Variants in P2RX4 observed in about 807,000 individuals in gnomAD.
P2RX4 encodes purinergic receptor P2X 4.
A neutral mutation model predicts 48.0 loss-of-function variants in P2RX4; 37 were observed. The observed-to-expected ratio is 0.77, with a 90% CI of 0.59 to 1.01. The LOEUF is 1.01. P2RX4 is among the 50% of genes least tolerant of loss of function. The pLI, the probability that P2RX4 is intolerant of heterozygous loss-of-function variation, is 0.00. For synonymous variants in P2RX4, 200 were observed against 199.7 expected, an observed-to-expected ratio of 1.00 and a Z score of -0.01; for missense variants, 501 against 521.4, an observed-to-expected ratio of 0.96 and a Z score of 0.38.
chr12:121,214,513 G>A lies in P2RX4; in HGVS notation c.135-2621G>A, dbSNP rs375956127. 7 of 152,256 alleles carry A rather than the reference G, an allele frequency of 4.6e-5. No individual in the cohort carries two copies. The South Asian group carries it at 6.2e-4, about 14-fold the overall frequency. 9.4% of individuals were successfully genotyped at this position (152,256 alleles called of 1,614,324 possible). On this transcript the variant is annotated intron_variant, in intron 1 of 11. Coordinates refer to ENST00000337233, the MANE Select transcript of P2RX4 (RefSeq NM_002560.3). ...TCTAACTCTGTTAACAATCATATGAGGAGGAAATAATCACATGATAATGAG... is the reference window on the plus strand; with the variant it reads ...TCTAACTCTGTTAACAATCATATGAAGAGGAAATAATCACATGATAATGAG...
In P2RX4 at chr12:121,232,842, C is replaced by T. The variant is rs950094071; in HGVS notation, c.1045-155C>T. 4.3e-5 allele frequency: 37 copies of T among 854,576 alleles called. No homozygotes were observed. The highest frequency in any genetic ancestry group is 7.2e-5 in the Non-Finnish European group (36 of 501,384). The allele number at this position is 854,576 out of a possible 1,614,324, so 52.9% of individuals were successfully genotyped here. A position where few individuals can be genotyped will look rare whatever the true frequency, so the allele number is the denominator to read the frequency against. ...TCCTCCCACCTTCCCTTCTCCAAGA[C>T]CACCCCCCTCAGGTCCCAGCCTTCT... On this transcript the variant is annotated intron_variant, in intron 10 of 11. Transcript: ENST00000337233. The surrounding 1 kb of genome is among the most constrained non-coding windows in gnomAD (Gnocchi z 4.3).
chr12:121,210,145 TG>T lies in P2RX4; in HGVS notation c.-17del. On this transcript the variant is annotated 5_prime_UTR_variant, in exon 1 of 12. Coordinates refer to ENST00000337233, the MANE Select transcript of P2RX4 (RefSeq NM_002560.3). ...CTGGGACCCAGACCGACTAGGGGAC[TG>T]GGAGCGGGCGGCGCGGCCATGGCGG... The T allele has an allele frequency of 6.6e-7, 1 of 1,517,776 alleles. No homozygotes were observed. The highest frequency in any genetic ancestry group is 1.2e-5 in the South Asian group (1 of 80,670). 94.0% of individuals were successfully genotyped at this position (1,517,776 alleles called of 1,614,324 possible).
rs757957055 is a variant in P2RX4, at chr12:121,228,629, G to T, written c.605+16G>T. 5 of 1,612,942 alleles carry T rather than the reference G, an allele frequency of 3.1e-6. No homozygotes were observed. Among genetic ancestry groups the T allele is most frequent in the Middle Eastern group, 1.7e-4 (1 of 6,060 alleles). Reference sequence around the variant, plus strand: ...ATTTCAGCAAGTAAGTGGTGGCCAGGTGTGTGAGTTCACCAGGGTCTTGGA... The same window carrying T: ...ATTTCAGCAAGTAAGTGGTGGCCAGTTGTGTGAGTTCACCAGGGTCTTGGA... On this transcript the variant is annotated intron_variant, in intron 6 of 11. Coordinates refer to ENST00000337233, the MANE Select transcript of P2RX4 (RefSeq NM_002560.3).
chr12:121,222,409 T>G lies in P2RX4; in HGVS notation c.427+243T>G, dbSNP rs562642620. Reference sequence around the variant, plus strand: ...TGTTGTTTTTTCTTGTTTTTTTTTTTGTTTTGTTTTTTTGTTTTTTTGAGC... The same window carrying G: ...TGTTGTTTTTTCTTGTTTTTTTTTTGGTTTTGTTTTTTTGTTTTTTTGAGC... On this transcript the variant is annotated intron_variant, in intron 4 of 11. Coordinates refer to ENST00000337233, the MANE Select transcript of P2RX4 (RefSeq NM_002560.3). 1.0e-4 allele frequency: 56 copies of G among 548,570 alleles called. 1 individual carries two copies. The South Asian group carries it at 1.3e-3, about 13-fold the overall frequency. The allele number at this position is 548,570 out of a possible 1,614,324, so 34.0% of individuals were successfully genotyped here.
chr12:121,212,811 TATATA>T (rs1342499707), intron 1 of P2RX4: 457 of 35,212 alleles, frequency 0.013, 5 homozygotes, highest in East Asian at 0.019. Flanking sequence ...TATATATATA[TATATA>T]TATATATATT....
chr12:121,226,797 T>A (rs1269892624), intron 5 of P2RX4, among the ~76,000 whole-genome samples: 1 of 151,972 alleles, frequency 6.6e-6, no homozygotes. Flanking sequence ...GCCATCCCTC[T>A]TGAGGGAGTG....
intron 2 of P2RX4, among the ~76,000 whole-genome samples, chr12:121,219,961 T>C (rs1307375314): frequency 6.6e-6 from 1 of 152,148 alleles, no homozygotes; most frequent in Non-Finnish European, 1.5e-5. Context: ...TTTTATTCCT[T>C]ATATGAGGAG....
chr12:121,217,319 C>T, intron 2 of P2RX4, 38 bp downstream of exon 2: 1 of 1,601,668 alleles, frequency 6.2e-7, no homozygotes, highest in Non-Finnish European at 8.6e-7. Context: ...AACACTGACA[C>T]CTTGCTCTTT....
Position 121,221,753 on chromosome 12 carries a change from G to C in P2RX4, c.283-160G>C, listed in dbSNP as rs112130094. On this transcript the variant is annotated intron_variant, in intron 2 of 11. Transcript: ENST00000337233. The stretch of plus-strand genomic sequence containing the variant: ...TCTGAATATTTATGTACAAGGACTT[G>C]TTTGAGTCACTGTTTTCCATTGGGT... Among the ~76,000 whole-genome samples, 4 of 152,338 alleles carry C rather than the reference G, an allele frequency of 2.6e-5. 1 individual carries two copies. The highest frequency in any genetic ancestry group is 9.6e-5 in the African/African-American group (4 of 41,582).
chr12:121,223,942 G>A (rs995001644), intron 5 of P2RX4, among the ~76,000 whole-genome samples: 2 of 152,106 alleles, frequency 1.3e-5, no homozygotes, highest in African/African-American at 2.4e-5. Flanking sequence ...TCTGCATCCC[G>A]CCGTGCCAGC....
rs368099159 is a variant in P2RX4, at chr12:121,210,266, C to G, written c.102C>G (p.Ala34=). ...RSRKVGLMNR[A]VQLLILAYVI... is the part of the protein sequence containing the mutation. ...GCAAAGTGGGGCTCATGAACCGCGC[C>G]GTGCAACTGCTCATCCTGGCCTACG... Residue 34 remains alanine (A), a synonymous_variant, in exon 1 of 12, where the codon GCC becomes GCG. Coordinates refer to ENST00000337233, the MANE Select transcript of P2RX4 (RefSeq NM_002560.3). 2.6e-5 allele frequency: 41 copies of G among 1,556,284 alleles called. No individual in the cohort carries two copies. The highest frequency in any genetic ancestry group is 1.2e-4 in the Admixed American group (6 of 52,036).
intron 1 of P2RX4, 166 bp from the exon 2 acceptor site, chr12:121,216,968 C>T: frequency 1.3e-6 from 1 of 747,394 alleles, no homozygotes. Flanking sequence ...CTACCATCCC[C>T]ATTTGGCAGA....
chr12:121,221,876 C>T, intron 2 of P2RX4, 37 bp from the exon 3 acceptor site: 1 of 1,595,636 alleles, frequency 6.3e-7, no homozygotes, highest in Non-Finnish European at 8.6e-7. Flanking sequence ...CGTGAGTCCT[C>T]TGAGCGTGGC....
chr12:121,225,017 C>G (rs1018633398), intron 5 of P2RX4, among the ~76,000 whole-genome samples: 5 of 151,860 alleles, frequency 3.3e-5, no homozygotes, highest in African/African-American at 1.2e-4. Flanking sequence ...TGAAATATGG[C>G]TGGGTCCGAA....
In P2RX4 at chr12:121,232,929, C is replaced by G. The variant is rs572003075; in HGVS notation, c.1045-68C>G. The G allele has an allele frequency of 9.0e-7, 1 of 1,112,166 alleles. No homozygotes were observed. The highest frequency in any genetic ancestry group is 1.4e-6 in the Non-Finnish European group (1 of 724,234). 68.9% of individuals were successfully genotyped at this position (1,112,166 alleles called of 1,614,324 possible). ...ATTCCAGGCTTCTCAGGAAGGGGCA[C>G]GCAAAGAATAAGATGGGTTGATGGG... On this transcript the variant is annotated intron_variant, in intron 10 of 11. Coordinates refer to ENST00000337233, the MANE Select transcript of P2RX4 (RefSeq NM_002560.3). This position sits in a 1 kb window ranked among gnomAD's most constrained non-coding sequence, Gnocchi z 4.3.
chr12:121,228,366 T>C (rs1593221424), intron 5 of P2RX4, among the ~76,000 whole-genome samples, 167 bp from the exon 6 acceptor site: 1 of 37,964 alleles, frequency 2.6e-5, no homozygotes, highest in Non-Finnish European at 4.9e-5. Context: ...TGACTCCATC[T>C]CAAAAAAAAA....
intron 1 of P2RX4, 141 bp downstream of exon 1, chr12:121,210,439 G>T: frequency 1.3e-6 from 1 of 792,754 alleles, no homozygotes; most frequent in Non-Finnish European, 1.7e-6. Context: ...GGCCCCAGCC[G>T]CCGCGCCGGG....
rs1204759120 is a variant in P2RX4 at position 121,221,970 on chromosome 12, G to C, written c.340G>C (p.Gly114Arg). The change falls in exon 3 of 12, where the codon GGC becomes CGC. Residue 114 changes from glycine to arginine, a missense_variant. This residue lies in a region of P2RX4 where 295 missense variants were observed against 275.3 expected (regional missense o/e 1.07). Transcript: ENST00000337233. ...NVILTMNQTQGLCPEIPDATT... is the reference protein window; with the variant it reads ...NVILTMNQTQRLCPEIPDATT... ...GATCCTCACCATGAACCAGACACAG[G>C]GCCTGTGCCCCGAGGTAGGAGGCCC... is the stretch of plus-strand genomic sequence containing the variant. 1 of 1,614,206 alleles carries C rather than the reference G, an allele frequency of 6.2e-7. No homozygotes were observed. Among genetic ancestry groups the C allele is most frequent in the Non-Finnish European group, 8.5e-7 (1 of 1,180,030 alleles).
At chr12:121,221,349 C>T (rs1336679626) in intron 2 of P2RX4, among the ~76,000 whole-genome samples, 1 of 150,774 alleles carries the variant, frequency 6.6e-6, no homozygotes, top group East Asian at 2.0e-4. Flanking sequence ...GGCTGAATCA[C>T]ATTCCATCAT....
Sources: allele counts gnomAD v4.1 joint callset (sites outside exome capture counted in the v4.1 genomes callset), GRCh38; gene constraint gnomAD v4.1.1; regional missense constraint gnomAD v4.1.1; non-coding constraint Gnocchi (gnomAD v3.1); transcripts MANE v1.5; gene names NCBI Gene and HGNC (gene_info 2026-07-23, HGNC 2026-07-21).